PPM1L: variants seen among roughly 807,000 people sequenced by gnomAD.
PPM1L encodes the protein protein phosphatase, Mg2+/Mn2+ dependent 1L.
Under a neutral mutation model 31.4 loss-of-function variants are expected in PPM1L, and 13 were observed. That is an observed-to-expected ratio of 0.41 (90% CI 0.27 to 0.66). The LOEUF (loss-of-function observed/expected upper bound fraction) is 0.66, where lower values mean the gene tolerates loss of function less well. Ranked by LOEUF, PPM1L falls within the 30% of genes least tolerant of loss-of-function variation. The probability of loss-of-function intolerance (pLI) is 0.29; values close to 1 mark genes in which losing one functional copy is unlikely to be tolerated. For synonymous variants in PPM1L, 184 were observed against 175.4 expected, an observed-to-expected ratio of 1.05 and a Z score of -0.39; for missense variants, 326 against 453.7, an observed-to-expected ratio of 0.72 and a Z score of 2.56.
At chr3:160,783,600 C>CAAAAAAAAAAA (rs59293706) in intron 1 of PPM1L, among the ~76,000 whole-genome samples, 1 of 110,790 alleles carries the variant, frequency 9.0e-6, no homozygotes. Flanking sequence ...AACTCCATCT[C>CAAAAAAAAAAA]AAAAAAAAAA....
At position 161,060,946 on chromosome 3, in the gene PPM1L, A is replaced by G. The variant is rs182468815; in HGVS notation, c.575-4457A>G. Among the ~76,000 whole-genome samples the G allele has an allele frequency of 3.3e-5, 5 of 150,880 alleles. No individual in the cohort carries two copies. In the East Asian group the frequency reaches 9.7e-4, roughly 29 times the overall value. On this transcript the variant is annotated intron_variant, in intron 2 of 3. Coordinates refer to ENST00000498165, the MANE Select transcript of PPM1L (RefSeq NM_139245.4). ...GAATAAATATTTTATCTCAGAACTA[A>G]TAGCCAGAATTTTGCAAGTGTTTTG...
At chr3:161,003,319 T>C (rs961533663) in intron 2 of PPM1L, among the ~76,000 whole-genome samples, 3 of 148,590 alleles carry the variant, frequency 2.0e-5, no homozygotes, top group Non-Finnish European at 4.5e-5. Context: ...CTTGGCAATG[T>C]GGGCTCTTTT....
chr3:161,049,438 G>A (rs532080209), intron 2 of PPM1L, among the ~76,000 whole-genome samples: 1 of 152,312 alleles, frequency 6.6e-6, no homozygotes, highest in Non-Finnish European at 1.5e-5. Flanking sequence ...AAACTTTAAA[G>A]AATCCTTAAA....
intron 3 of PPM1L, 111 bp downstream of exon 3, chr3:161,065,675 G>T: frequency 1.1e-6 from 1 of 887,782 alleles, no homozygotes. Flanking sequence ...TAGAGAGGCT[G>T]CTACTGAGGT....
intron 2 of PPM1L, among the ~76,000 whole-genome samples, chr3:161,011,366 A>T (rs998322725): frequency 1.3e-5 from 2 of 152,126 alleles, no homozygotes; most frequent in African/African-American, 2.4e-5. Flanking sequence ...ATTCTGTTCC[A>T]TTGGTCTATA....
At chr3:161,013,066 C>T (rs1158476500) in intron 2 of PPM1L, among the ~76,000 whole-genome samples, 1 of 152,122 alleles carries the variant, frequency 6.6e-6, no homozygotes, top group African/African-American at 2.4e-5. Flanking sequence ...CTTCTGCTAG[C>T]TTTTGAATGT....
intron 1 of PPM1L, among the ~76,000 whole-genome samples, chr3:160,824,380 T>C (rs957789976): frequency 6.6e-6 from 1 of 152,184 alleles, no homozygotes; most frequent in Non-Finnish European, 1.5e-5. Context: ...TACTTTGTTA[T>C]AGCAGCCTGA....
intron 1 of PPM1L, among the ~76,000 whole-genome samples, chr3:160,874,179 A>G (rs543507593): frequency 3.3e-4 from 50 of 152,190 alleles, no homozygotes; most frequent in Admixed American, 9.1e-4. Flanking sequence ...AGGTTCAGCC[A>G]ATCACTATTA....
At chr3:160,945,620 G>T (rs1715383154) in intron 1 of PPM1L, among the ~76,000 whole-genome samples, 1 of 151,966 alleles carries the variant, frequency 6.6e-6, no homozygotes, top group Non-Finnish European at 1.5e-5. Context: ...CTTTGCATTG[G>T]GTGCCAAGAA....
chr3:160,891,631 G>A (rs1713146758), intron 1 of PPM1L, among the ~76,000 whole-genome samples: 2 of 152,106 alleles, frequency 1.3e-5, no homozygotes, highest in South Asian at 4.1e-4. Context: ...ATTTGACCCA[G>A]CAATCCCATT....
At chr3:160,942,845 C>T (rs1423201107) in intron 1 of PPM1L, among the ~76,000 whole-genome samples, 2 of 151,916 alleles carry the variant, frequency 1.3e-5, no homozygotes, top group African/African-American at 2.4e-5. Flanking sequence ...GGATTTTCTT[C>T]GAGTATATAA....
intron 2 of PPM1L, among the ~76,000 whole-genome samples, chr3:161,020,106 CAGAG>C (rs948334302): frequency 2.5e-4 from 34 of 136,058 alleles, no homozygotes; most frequent in African/African-American, 8.8e-4. Flanking sequence ...AGCCTAGCGA[CAGAG>C]AGAGACTCCA....
At chr3:160,941,383 G>A (rs1489417261) in intron 1 of PPM1L, among the ~76,000 whole-genome samples, 1 of 152,148 alleles carries the variant, frequency 6.6e-6, no homozygotes, top group Non-Finnish European at 1.5e-5. Flanking sequence ...ATGCTTGGCT[G>A]TGTCCCTACC....
chr3:160,893,917 G>A (rs1395874146), intron 1 of PPM1L, among the ~76,000 whole-genome samples: 1 of 152,034 alleles, frequency 6.6e-6, no homozygotes, highest in African/African-American at 2.4e-5. Context: ...AGGGATATGT[G>A]GTATGATACT....
intron 1 of PPM1L, among the ~76,000 whole-genome samples, chr3:160,942,540 T>A (rs369460422): frequency 2.2e-4 from 33 of 152,228 alleles, no homozygotes; most frequent in South Asian, 6.2e-4. Context: ...GATACTGAAT[T>A]TTTAAATTTT....
chr3:160,815,001 G>A (rs968794118), intron 1 of PPM1L, among the ~76,000 whole-genome samples: 2 of 152,050 alleles, frequency 1.3e-5, no homozygotes, highest in Admixed American at 6.6e-5. Flanking sequence ...GGGATTCAGG[G>A]GGTAGGGTAG....
intron 2 of PPM1L, among the ~76,000 whole-genome samples, chr3:161,017,381 C>T (rs1029941860): frequency 6.6e-6 from 1 of 152,134 alleles, no homozygotes; most frequent in Non-Finnish European, 1.5e-5. Context: ...GGAGTCTGAG[C>T]ATCTTGACAC....
chr3:160,894,462 T>C lies in PPM1L; in HGVS notation c.400-67274T>C, dbSNP rs186703510. ...ACTGGGAAAAATGGCTGATGTAGTC[T>C]TTTGAATGGCCCCTCACACACCACA... On this transcript the variant is annotated intron_variant, in intron 1 of 3. Transcript: ENST00000498165. Among the ~76,000 whole-genome samples, 398 of 152,292 alleles carry C rather than the reference T, an allele frequency of 2.6e-3. 1 individual carries two copies. The highest frequency in any genetic ancestry group is 9.2e-3 in the African/African-American group (383 of 41,546).
At chr3:160,975,505 G>C (rs1462999794) in intron 2 of PPM1L, among the ~76,000 whole-genome samples, 1 of 152,216 alleles carries the variant, frequency 6.6e-6, no homozygotes, top group African/African-American at 2.4e-5. Context: ...TGACCCATGA[G>C]CATGGAATGT....
Sources: gnomAD v4.1 joint callset for allele counts (sites outside exome capture counted in the v4.1 genomes callset) on GRCh38, gnomAD v4.1.1 for gene constraint, MANE v1.5 for transcripts, NCBI Gene and HGNC (gene_info 2026-07-23, HGNC 2026-07-21) for gene names.